The following RAB31 variants were observed in gnomAD, a reference collection of about 807,000 sequenced individuals.
The protein encoded by RAB31 is ras-related protein Rab-31.
In RAB31, 21 loss-of-function variants were observed where a neutral mutation model predicts 25.6. The ratio of observed to expected loss-of-function variants is 0.82; its 90% CI spans 0.58 to 1.18. The LOEUF (loss-of-function observed/expected upper bound fraction) is 1.18, where lower values mean the gene tolerates loss of function less well. Ranked by LOEUF, RAB31 falls within the 50% of genes most tolerant of loss-of-function variation. The probability of loss-of-function intolerance (pLI) is 0.00; values close to 1 mark genes in which losing one functional copy is unlikely to be tolerated. For synonymous variants in RAB31, 87 were observed against 84.0 expected, an observed-to-expected ratio of 1.04 and a Z score of -0.20; for missense variants, 196 against 250.1, an observed-to-expected ratio of 0.78 and a Z score of 1.46.
chr18:9,807,819 A>T (rs910930170), intron 3 of RAB31, among the ~76,000 whole-genome samples: 1 of 149,830 alleles, frequency 6.7e-6, no homozygotes, highest in Non-Finnish European at 1.5e-5. Context: ...ATAAAAACTT[A>T]AAAAAAAACT....
chr18:9,835,875 G>C (rs1028635017), intron 5 of RAB31, among the ~76,000 whole-genome samples: 1 of 152,080 alleles, frequency 6.6e-6, no homozygotes, highest in Non-Finnish European at 1.5e-5. Flanking sequence ...GACATCTTGG[G>C]TATTTAGAGA....
chr18:9,787,820 C>T (rs543965257), intron 2 of RAB31: 6 of 152,320 alleles, frequency 3.9e-5, no homozygotes, highest in East Asian at 3.9e-4. Flanking sequence ...CACAAGACAT[C>T]GAAATAAGCA....
chr18:9,797,717 G>C (rs775137260), intron 3 of RAB31, among the ~76,000 whole-genome samples: 3 of 152,096 alleles, frequency 2.0e-5, no homozygotes, highest in Non-Finnish European at 4.4e-5. Context: ...TTAGATGATC[G>C]TTCTTCAGAT....
In RAB31 at chr18:9,726,588, A is replaced by G. The variant is rs561569133; in HGVS notation, c.39+18144A>G. ...TCCTCGTAACTTTAAGGCTTAAGGG[A>G]GTTTAAGTAGATTGTTTCCACAAGA... On this transcript the variant is annotated intron_variant, in intron 1 of 6. Coordinates refer to ENST00000578921, the MANE Select transcript of RAB31 (RefSeq NM_006868.4). Among the ~76,000 whole-genome samples, 3 of 152,096 alleles carry G rather than the reference A, an allele frequency of 2.0e-5. No individual in the cohort carries two copies. The South Asian group carries it at 6.2e-4, about 32-fold the overall frequency.
chr18:9,776,524 T>A (rs1455587239), intron 2 of RAB31, among the ~76,000 whole-genome samples: 1 of 152,132 alleles, frequency 6.6e-6, no homozygotes, highest in African/African-American at 2.4e-5. Flanking sequence ...TAAAGAAACA[T>A]ACTCATGAAA....
At chr18:9,717,604 T>C (rs191655595) in intron 1 of RAB31, among the ~76,000 whole-genome samples, 3 of 152,208 alleles carry the variant, frequency 2.0e-5, no homozygotes, top group Admixed American at 6.5e-5. Flanking sequence ...CTTTCCTAAC[T>C]AGGATCTGCA....
chr18:9,847,340 G>A (rs957764400), intron 6 of RAB31, among the ~76,000 whole-genome samples: 11 of 152,208 alleles, frequency 7.2e-5, no homozygotes, highest in African/African-American at 1.2e-4. Flanking sequence ...ACAGCCCCGC[G>A]TCTTCCGCAG....
chr18:9,796,361 C>A (rs1365133429), intron 3 of RAB31, among the ~76,000 whole-genome samples: 1 of 152,110 alleles, frequency 6.6e-6, no homozygotes, highest in African/African-American at 2.4e-5. Context: ...ACCACCCATT[C>A]CCCAAAAACC....
chr18:9,813,203 G>C (rs1406325833), intron 3 of RAB31, among the ~76,000 whole-genome samples: 1 of 152,162 alleles, frequency 6.6e-6, no homozygotes. Context: ...AGGTAGGTGT[G>C]AAGCCCCGCG....
intron 1 of RAB31, among the ~76,000 whole-genome samples, chr18:9,715,691 A>C (rs541079518): frequency 6.6e-6 from 1 of 151,962 alleles, no homozygotes; most frequent in Non-Finnish European, 1.5e-5. Context: ...CACCATGCCC[A>C]GCTAATTTTT....
intron 1 of RAB31, among the ~76,000 whole-genome samples, chr18:9,733,906 G>A (rs1200138012): frequency 6.6e-6 from 1 of 152,020 alleles, no homozygotes; most frequent in Non-Finnish European, 1.5e-5. Flanking sequence ...CTGGGGAGGG[G>A]GGGCTTGGTT....
In RAB31 at chr18:9,716,318, C is replaced by G. The variant is rs546423876; in HGVS notation, c.39+7874C>G. On this transcript the variant is annotated intron_variant, in intron 1 of 6. Transcript: ENST00000578921. Reference sequence around the variant, plus strand: ...GATCTCGAGTGGTCTTATTTTTTAACGTGATCATGTATAATATTAAAATAC... The same window carrying G: ...GATCTCGAGTGGTCTTATTTTTTAAGGTGATCATGTATAATATTAAAATAC... Among the ~76,000 whole-genome samples, 71 of 152,068 alleles carry G rather than the reference C, an allele frequency of 4.7e-4. 3 individuals are homozygous for G. In the South Asian group the frequency reaches 0.014, roughly 31 times the overall value.
chr18:9,786,560 A>G (rs988109466), intron 2 of RAB31, among the ~76,000 whole-genome samples: 1 of 152,236 alleles, frequency 6.6e-6, no homozygotes, highest in Admixed American at 6.5e-5. Flanking sequence ...GGGATCTGAC[A>G]GTATCTCCAG....
At chr18:9,839,570 G>A (rs2068722154) in intron 5 of RAB31, among the ~76,000 whole-genome samples, 1 of 152,110 alleles carries the variant, frequency 6.6e-6, no homozygotes, top group South Asian at 2.1e-4. Context: ...GGAGGGTAAA[G>A]CAGGCTTTAT....
intron 1 of RAB31, among the ~76,000 whole-genome samples, chr18:9,751,627 T>TATA (rs2068235487): frequency 1.3e-5 from 2 of 152,226 alleles, no homozygotes; most frequent in South Asian, 4.1e-4. Context: ...TTTGATGTAT[T>TATA]GCTCTCCAAC....
chr18:9,708,468 G>A lies in RAB31; in HGVS notation c.39+24G>A. The A allele has an allele frequency of 6.5e-7, 1 of 1,546,058 alleles. No homozygotes were observed. Among genetic ancestry groups the A allele is most frequent in the Non-Finnish European group, 8.7e-7 (1 of 1,147,380 alleles). On this transcript the variant is annotated intron_variant, in intron 1 of 6. Transcript: ENST00000578921. The surrounding 1 kb of genome is among the most constrained non-coding windows in gnomAD (Gnocchi z 6.4). The stretch of plus-strand genomic sequence containing the variant: ...GGGTGAGTCCTGGCCGCCACCCGCC[G>A]GCGGACCCCGGCCCGCGCTCTCGCG...
chr18:9,714,778 T>A (rs1352287480), intron 1 of RAB31, among the ~76,000 whole-genome samples: 1 of 152,168 alleles, frequency 6.6e-6, no homozygotes, highest in Non-Finnish European at 1.5e-5. Context: ...AGGATGGCAG[T>A]GATTGTTGCC....
intron 2 of RAB31, among the ~76,000 whole-genome samples, chr18:9,785,794 C>T (rs952034526): frequency 6.6e-6 from 1 of 152,020 alleles, no homozygotes. Context: ...GGCACAGTGG[C>T]TCACGCCTGT....
At position 9,721,557 on chromosome 18, in the gene RAB31, A is replaced by G. The variant is rs111539106; in HGVS notation, c.39+13113A>G. On this transcript the variant is annotated intron_variant, in intron 1 of 6. Transcript: ENST00000578921. ...TTTTAACATGGGAGGTGGAGGTTGCAGTGAGCTGAGATTGCGCCACTGCAC... is the reference window on the plus strand; with the variant it reads ...TTTTAACATGGGAGGTGGAGGTTGCGGTGAGCTGAGATTGCGCCACTGCAC... Among the ~76,000 whole-genome samples the G allele has an allele frequency of 5.7e-3, 871 of 152,046 alleles. 11 individuals carry two copies. The highest frequency in any genetic ancestry group is 0.02 in the African/African-American group (814 of 41,454).
Sources: allele counts gnomAD v4.1 joint callset (sites outside exome capture counted in the v4.1 genomes callset), GRCh38; gene constraint gnomAD v4.1.1; non-coding constraint Gnocchi (gnomAD v3.1); transcripts MANE v1.5; gene names NCBI Gene and HGNC (gene_info 2026-07-23, HGNC 2026-07-21).